NRG3: variants seen among roughly 807,000 people sequenced by gnomAD.
NRG3 encodes pro-neuregulin-3, membrane-bound isoform.
Under a neutral mutation model 66.9 loss-of-function variants are expected in NRG3, and 31 were observed. The observed-to-expected ratio is 0.46, with a 90% CI of 0.35 to 0.63. The LOEUF (loss-of-function observed/expected upper bound fraction) is 0.63. NRG3 is among the 20% of genes least tolerant of loss of function. The probability of loss-of-function intolerance (pLI) is 0.00; values close to 1 mark genes in which losing one functional copy is unlikely to be tolerated. For missense variants in NRG3, 910 were observed against 878.9 expected, an observed-to-expected ratio of 1.04 and a Z score of -0.45; for synonymous variants, 393 against 359.4, an observed-to-expected ratio of 1.09 and a Z score of -1.06.
intron 1 of NRG3, among the ~76,000 whole-genome samples, chr10:82,208,520 A>G (rs1018603417): frequency 4.6e-5 from 7 of 152,138 alleles, no homozygotes; most frequent in Non-Finnish European, 1.0e-4. Context: ...TAGATGAGCA[A>G]GCAAAGAAGC....
At chr10:82,890,284 A>T (rs969781975) in intron 4 of NRG3, among the ~76,000 whole-genome samples, 31 of 152,318 alleles carry the variant, frequency 2.0e-4, no homozygotes, top group Non-Finnish European at 2.4e-4. Context: ...GTAACCAGAC[A>T]TATCAAGGAA....
At chr10:81,985,531 G>A (rs2060487369) in intron 1 of NRG3, among the ~76,000 whole-genome samples, 1 of 152,186 alleles carries the variant, frequency 6.6e-6, no homozygotes, top group Admixed American at 6.5e-5. Context: ...TCTTAAAAAT[G>A]TCTCTCCTTA....
intron 2 of NRG3, among the ~76,000 whole-genome samples, chr10:82,655,679 A>G (rs2051785208): frequency 6.6e-6 from 1 of 152,224 alleles, no homozygotes; most frequent in Non-Finnish European, 1.5e-5. Context: ...TGATAGCAGT[A>G]ATGCTGATTA....
At chr10:81,909,286 C>T (rs2132726997) in intron 1 of NRG3, among the ~76,000 whole-genome samples, 1 of 152,252 alleles carries the variant, frequency 6.6e-6, no homozygotes, top group South Asian at 2.1e-4. Flanking sequence ...CATTCTACTC[C>T]AGTCTGACCT....
chr10:82,312,251 A>C (rs112875465), intron 1 of NRG3, among the ~76,000 whole-genome samples: 1 of 152,190 alleles, frequency 6.6e-6, no homozygotes, highest in Non-Finnish European at 1.5e-5. Flanking sequence ...CTTGATTTAC[A>C]TAAGTGTTGG....
chr10:82,950,262 G>A (rs1404060646), intron 4 of NRG3, among the ~76,000 whole-genome samples: 3 of 152,168 alleles, frequency 2.0e-5, no homozygotes, highest in South Asian at 2.1e-4. Context: ...ATATATATGT[G>A]TTAAATAGTG....
At chr10:82,532,446 A>T (rs1392856917) in intron 2 of NRG3, among the ~76,000 whole-genome samples, 1 of 149,090 alleles carries the variant, frequency 6.7e-6, no homozygotes, top group Non-Finnish European at 1.5e-5. Flanking sequence ...ATTACTATAT[A>T]TCTATTACTA....
intron 3 of NRG3, among the ~76,000 whole-genome samples, chr10:82,839,574 T>C (rs2062953360): frequency 6.6e-6 from 1 of 151,638 alleles, no homozygotes; most frequent in South Asian, 2.1e-4. Flanking sequence ...TGTATAAAAA[T>C]ATAGATATTA....
At chr10:82,321,343 C>CTTA (rs1485286627) in intron 1 of NRG3, among the ~76,000 whole-genome samples, 1 of 151,960 alleles carries the variant, frequency 6.6e-6, no homozygotes, top group Non-Finnish European at 1.5e-5. Context: ...ACCTGCAGCC[C>CTTA]CCCAAATAAT....
Position 81,875,320 on chromosome 10 carries a change from A to G in NRG3, c.-21A>G. 2.0e-6 allele frequency: 2 copies of G among 984,396 alleles called. No individual in the cohort carries two copies. The highest frequency in any genetic ancestry group is 2.4e-6 in the Non-Finnish European group (2 of 830,866). The allele number at this position is 984,396 out of a possible 1,614,324, so 61.0% of individuals were successfully genotyped here. A position where few individuals can be genotyped will look rare whatever the true frequency, so the allele number is the denominator to read the frequency against. On this transcript the variant is annotated 5_prime_UTR_variant, in exon 1 of 9. Coordinates refer to ENST00000372141, the MANE Select transcript of NRG3 (RefSeq NM_001010848.4). The surrounding 1 kb of genome is among the most constrained non-coding windows in gnomAD (Gnocchi z 5.3). ...TCTGCCGCGGCCCTCGGGGGGGCGA[A>G]GGTGAAGACCGGCTCCTAGGATGAG...
chr10:82,645,421 A>T (rs2050862438), intron 2 of NRG3, among the ~76,000 whole-genome samples: 2 of 152,158 alleles, frequency 1.3e-5, no homozygotes, highest in African/African-American at 4.8e-5. Flanking sequence ...TTTACTTTAG[A>T]ATTGCCCCAC....
chr10:82,760,239 A>C (rs1284801264), intron 3 of NRG3, among the ~76,000 whole-genome samples: 1 of 152,100 alleles, frequency 6.6e-6, no homozygotes, highest in Non-Finnish European at 1.5e-5. Flanking sequence ...AAACAGAAGA[A>C]CTTCCAACAG....
At chr10:82,517,639 GTGTGTT>G (rs1409538810) in intron 2 of NRG3, among the ~76,000 whole-genome samples, 2 of 89,808 alleles carry the variant, frequency 2.2e-5, no homozygotes, top group Non-Finnish European at 1.9e-5. Flanking sequence ...GCCCCCCCGT[GTGTGTT>G]TGTGTGTGTG....
chr10:81,914,316 A>G (rs903881548), intron 1 of NRG3, among the ~76,000 whole-genome samples: 6 of 152,144 alleles, frequency 3.9e-5, no homozygotes, highest in Non-Finnish European at 8.8e-5. Flanking sequence ...ATGCCCACGT[A>G]TTCTTTTAGA....
chr10:82,103,367 G>A (rs528242524), intron 1 of NRG3, among the ~76,000 whole-genome samples: 3 of 152,216 alleles, frequency 2.0e-5, no homozygotes, highest in East Asian at 3.9e-4. Context: ...TGACATTATG[G>A]ATCTTTCAAA....
chr10:82,764,416 C>T (rs889795833), intron 3 of NRG3, among the ~76,000 whole-genome samples: 3 of 148,712 alleles, frequency 2.0e-5, no homozygotes, highest in Admixed American at 6.7e-5. Context: ...CTCGCTCTGT[C>T]GCCTAAGTGC....
chr10:82,901,141 C>A (rs1361946317), intron 4 of NRG3, among the ~76,000 whole-genome samples: 1 of 152,134 alleles, frequency 6.6e-6, no homozygotes, highest in African/African-American at 2.4e-5. Context: ...GTTTTTCATT[C>A]CCTCCTGTAC....
At chr10:81,991,021 T>A (rs187883384) in intron 1 of NRG3, among the ~76,000 whole-genome samples, 1 of 152,130 alleles carries the variant, frequency 6.6e-6, no homozygotes, top group South Asian at 2.1e-4. Context: ...GAAGCCTCCA[T>A]TGCCCTTTTC....
chr10:81,925,901 A>G (rs1489787372), intron 1 of NRG3, among the ~76,000 whole-genome samples: 2 of 152,066 alleles, frequency 1.3e-5, no homozygotes, highest in Non-Finnish European at 2.9e-5. Flanking sequence ...GGGAGACATG[A>G]TGATTCTTTT....
Sources: allele counts gnomAD v4.1 joint callset (sites outside exome capture counted in the v4.1 genomes callset), GRCh38; gene constraint gnomAD v4.1.1; non-coding constraint Gnocchi (gnomAD v3.1); transcripts MANE v1.5; gene names NCBI Gene and HGNC (gene_info 2026-07-23, HGNC 2026-07-21).